FUT9: variants seen among roughly 807,000 people sequenced by gnomAD.
The protein encoded by FUT9 is fucosyltransferase 9.
FUT9 carries 15 observed loss-of-function variants against 29.7 expected under a neutral mutation model. The ratio of observed to expected loss-of-function variants is 0.51; its 90% CI spans 0.34 to 0.78. FUT9 has a LOEUF of 0.78. Among genes scored for constraint, FUT9 ranks in the 30% least tolerant of loss-of-function variants. The probability of loss-of-function intolerance (pLI) is 0.01; values close to 1 mark genes in which losing one functional copy is unlikely to be tolerated. For missense variants in FUT9, 319 were observed against 425.4 expected, an observed-to-expected ratio of 0.75 and a Z score of 2.20; for synonymous variants, 169 against 153.7, an observed-to-expected ratio of 1.10 and a Z score of -0.74.
At chr6:96,142,192 T>G (rs1368677232) in intron 2 of FUT9, among the ~76,000 whole-genome samples, 1 of 152,202 alleles carries the variant, frequency 6.6e-6, no homozygotes. Flanking sequence ...TTTCTAGTCC[T>G]AAGGCAAATT....
chr6:96,093,048 A>G (rs1432575004), intron 1 of FUT9, among the ~76,000 whole-genome samples: 2 of 152,162 alleles, frequency 1.3e-5, no homozygotes, highest in Admixed American at 6.6e-5. Flanking sequence ...AATTACAGGC[A>G]TGAGCCACCT....
At chr6:96,036,018 T>C (rs1459588924) in intron 1 of FUT9, among the ~76,000 whole-genome samples, 1 of 122,154 alleles carries the variant, frequency 8.2e-6, no homozygotes, top group African/African-American at 3.1e-5. Flanking sequence ...ATTATGTTTA[T>C]TATATTAATA....
At chr6:96,095,239 A>C (rs1771475441) in intron 1 of FUT9, among the ~76,000 whole-genome samples, 2 of 152,064 alleles carry the variant, frequency 1.3e-5, no homozygotes, top group African/African-American at 4.8e-5. Context: ...CTATGTTTAA[A>C]CCCAGCTCTA....
intron 2 of FUT9, among the ~76,000 whole-genome samples, chr6:96,154,225 A>T (rs150626741): frequency 5.3e-5 from 8 of 152,356 alleles, no homozygotes; most frequent in Non-Finnish European, 1.0e-4. Flanking sequence ...AGCAAAAGTG[A>T]TAGAAATACA....
chr6:96,054,864 A>C (rs910783235), intron 1 of FUT9, among the ~76,000 whole-genome samples: 1 of 152,204 alleles, frequency 6.6e-6, no homozygotes, highest in African/African-American at 2.4e-5. Context: ...TTCTTATAAG[A>C]GTGCCTGACA....
intron 1 of FUT9, among the ~76,000 whole-genome samples, chr6:96,030,887 C>T (rs572991717): frequency 6.6e-5 from 10 of 151,300 alleles, no homozygotes; most frequent in East Asian, 3.9e-4. Context: ...AAAATAAAAA[C>T]GTAGGAACAG....
At chr6:96,173,629 A>G (rs1773152700) in intron 2 of FUT9, among the ~76,000 whole-genome samples, 1 of 152,104 alleles carries the variant, frequency 6.6e-6, no homozygotes. Context: ...AAAACTGGTG[A>G]CTATTTTATC....
rs201416780 is a variant in FUT9, at chr6:96,120,868, G to A, written c.-9+6741G>A. ...CTCAAATCTTTCTCCTCCACAAGGA[G>A]AAGTAGATGGAGTATAGATGGATGC... On this transcript the variant is annotated intron_variant, in intron 2 of 2. Coordinates refer to ENST00000302103, the MANE Select transcript of FUT9 (RefSeq NM_006581.4). 1.3e-4 allele frequency among the ~76,000 whole-genome samples: 20 copies of A among 152,082 alleles called. No homozygotes were observed. The East Asian group carries it at 3.9e-3, about 30-fold the overall frequency.
chr6:96,056,726 A>G (rs2127941452), intron 1 of FUT9, among the ~76,000 whole-genome samples: 1 of 152,240 alleles, frequency 6.6e-6, no homozygotes, highest in Non-Finnish European at 1.5e-5. Flanking sequence ...CCCGGATGAC[A>G]AAGCGAGACT....
intron 2 of FUT9, among the ~76,000 whole-genome samples, chr6:96,135,184 A>T (rs568806868): frequency 1.3e-5 from 2 of 152,092 alleles, no homozygotes; most frequent in Non-Finnish European, 2.9e-5. Context: ...TTTTTTCTAT[A>T]CAATCTTACA....
intron 2 of FUT9, among the ~76,000 whole-genome samples, chr6:96,125,566 T>A (rs1011880341): frequency 2.0e-5 from 3 of 152,216 alleles, no homozygotes; most frequent in Non-Finnish European, 4.4e-5. Flanking sequence ...GGATTAATAT[T>A]ATTTCTAATG....
At chr6:96,039,534 C>A (rs1770418794) in intron 1 of FUT9, among the ~76,000 whole-genome samples, 1 of 152,068 alleles carries the variant, frequency 6.6e-6, no homozygotes, top group Non-Finnish European at 1.5e-5. Context: ...TTTCCCACTT[C>A]AGGCCTGTGC....
intron 2 of FUT9, among the ~76,000 whole-genome samples, chr6:96,171,151 C>G (rs959213249): frequency 1.3e-5 from 2 of 152,184 alleles, no homozygotes; most frequent in African/African-American, 2.4e-5. Flanking sequence ...GGCAACCAAA[C>G]AGGTGACTGA....
intron 2 of FUT9, among the ~76,000 whole-genome samples, chr6:96,131,720 A>G (rs1294801049): frequency 6.6e-6 from 1 of 152,144 alleles, no homozygotes; most frequent in East Asian, 1.9e-4. Flanking sequence ...ATTGAGATTG[A>G]GAAAAGATTT....
At chr6:96,027,324 A>C (rs1770185653) in intron 1 of FUT9, among the ~76,000 whole-genome samples, 1 of 151,730 alleles carries the variant, frequency 6.6e-6, no homozygotes, top group African/African-American at 2.4e-5. Context: ...CCTGCATTAG[A>C]AATTTCAAAG....
chr6:96,084,176 A>G (rs1015111439), intron 1 of FUT9, among the ~76,000 whole-genome samples: 12 of 152,116 alleles, frequency 7.9e-5, no homozygotes, highest in Non-Finnish European at 1.5e-4. Context: ...AAAGTGACTT[A>G]TCACACTAAA....
intron 1 of FUT9, among the ~76,000 whole-genome samples, chr6:96,101,717 A>G (rs1044881733): frequency 6.6e-6 from 1 of 151,718 alleles, no homozygotes; most frequent in Non-Finnish European, 1.5e-5. Context: ...GCAGTGGTGC[A>G]ATCACAGCTC....
intron 1 of FUT9, among the ~76,000 whole-genome samples, chr6:96,043,349 C>T (rs749059443): frequency 1.3e-5 from 2 of 152,288 alleles, no homozygotes; most frequent in African/African-American, 2.4e-5. Flanking sequence ...CGCGCCCAGA[C>T]GATTGTTGTT....
chr6:96,070,005 A>C (rs1738482539), intron 1 of FUT9, among the ~76,000 whole-genome samples: 1 of 152,204 alleles, frequency 6.6e-6, no homozygotes, highest in Non-Finnish European at 1.5e-5. Context: ...AAAAAAATAT[A>C]ATGGGCACAA....
Sources: gnomAD v4.1 joint callset for allele counts (sites outside exome capture counted in the v4.1 genomes callset) on GRCh38, gnomAD v4.1.1 for gene constraint, MANE v1.5 for transcripts, NCBI Gene and HGNC (gene_info 2026-07-23, HGNC 2026-07-21) for gene names.